WASL: variants seen among roughly 807,000 people sequenced by gnomAD.
WASL encodes WASP like actin nucleation promoting factor.
In WASL, 20 loss-of-function variants were observed where a neutral mutation model predicts 55.5. The ratio of observed to expected loss-of-function variants is 0.36; its 90% CI spans 0.25 to 0.52. The LOEUF (loss-of-function observed/expected upper bound fraction) is 0.52, where lower values mean the gene tolerates loss of function less well. Ranked by LOEUF, WASL falls within the 20% of genes least tolerant of loss-of-function variation. The probability of loss-of-function intolerance (pLI) is 0.92; values close to 1 mark genes in which losing one functional copy is unlikely to be tolerated. For synonymous variants in WASL, 249 were observed against 217.6 expected (o/e 1.14, Z -1.27); for missense variants, 504 against 622.5 (o/e 0.81, Z 2.03).
chr7:123,704,114 C>A (rs1758123602), intron 5 of WASL, among the ~76,000 whole-genome samples: 1 of 152,094 alleles, frequency 6.6e-6, no homozygotes, highest in Admixed American at 6.5e-5. Flanking sequence ...AATTAAAGAG[C>A]ATTATACAGA....
intron 4 of WASL, among the ~76,000 whole-genome samples, chr7:123,705,738 C>G (rs1307348694): frequency 6.6e-6 from 1 of 152,050 alleles, no homozygotes; most frequent in African/African-American, 2.4e-5. Flanking sequence ...GTTTCACACA[C>G]TAAACTAAGT....
At chr7:123,698,852 T>G (rs531905582) in intron 5 of WASL, among the ~76,000 whole-genome samples, 50 of 152,310 alleles carry the variant, frequency 3.3e-4, no homozygotes, top group African/African-American at 1.0e-3. Context: ...AAGGACTTAC[T>G]GAGAATATCC....
In WASL at chr7:123,682,804, T is replaced by C. The variant is rs1803218872; in HGVS notation, c.*1715A>G. 1.3e-5 allele frequency: 2 copies of C among 152,036 alleles called. No individual in the cohort carries two copies. The highest frequency in any genetic ancestry group is 6.6e-5 in the Admixed American group (1 of 15,244). The allele number at this position is 152,036 out of a possible 1,614,324, so 9.4% of individuals were successfully genotyped here. A position where few individuals can be genotyped will look rare whatever the true frequency, so the allele number is the denominator to read the frequency against. The stretch of plus-strand genomic sequence containing the variant: ...AAGCCACAATAAAAATGATAGTAAG[T>C]AGAAAAAGGTTTCTAGCAGCAGAGG... On this transcript the variant is annotated 3_prime_UTR_variant, in exon 11 of 11. Coordinates refer to ENST00000223023, the MANE Select transcript of WASL (RefSeq NM_003941.4).
In WASL at chr7:123,748,782, T is replaced by G; in HGVS notation, c.-48A>C. On this transcript the variant is annotated 5_prime_UTR_variant, in exon 1 of 11. Transcript: ENST00000223023. ...GTCCAGGGCCGTCTCCTCCGGCGAG[T>G]GGGCGAGAGCTCGTTCCCCCTCTCG... is the stretch of plus-strand genomic sequence containing the variant. The G allele has an allele frequency of 7.0e-7, 1 of 1,431,564 alleles. No individual in the cohort carries two copies. Among genetic ancestry groups the G allele is most frequent in the Non-Finnish European group, 9.3e-7 (1 of 1,078,970 alleles). 88.7% of individuals were successfully genotyped at this position (1,431,564 alleles called of 1,614,324 possible). A position where few individuals can be genotyped will look rare whatever the true frequency, so the allele number is the denominator to read the frequency against.
intron 9 of WASL, 125 bp from the exon 10 acceptor site, chr7:123,689,275 A>G (rs779175380): frequency 7.3e-6 from 5 of 680,672 alleles, no homozygotes; most frequent in Non-Finnish European, 1.3e-5. Context: ...CAAACTGGCA[A>G]GCGCAGGACA....
intron 1 of WASL, chr7:123,720,380 A>G (rs1021673717): frequency 6.8e-6 from 3 of 440,656 alleles, no homozygotes; most frequent in African/African-American, 4.1e-5. Context: ...TCAAGTAATG[A>G]TAAGATGAAC....
intron 1 of WASL, among the ~76,000 whole-genome samples, chr7:123,718,894 T>C (rs1206103959): frequency 2.6e-5 from 4 of 152,242 alleles, no homozygotes; most frequent in African/African-American, 9.6e-5. Flanking sequence ...TATTCTTTCA[T>C]TCAAGTATCT....
At chr7:123,742,293 T>C (rs1231575714) in intron 1 of WASL, among the ~76,000 whole-genome samples, 4 of 152,242 alleles carry the variant, frequency 2.6e-5, no homozygotes, top group Non-Finnish European at 5.9e-5. Context: ...CTAGTGTCTC[T>C]TGGTATGCTG....
At chr7:123,738,461 G>T (rs1047524421) in intron 1 of WASL, among the ~76,000 whole-genome samples, 1 of 152,046 alleles carries the variant, frequency 6.6e-6, no homozygotes, top group African/African-American at 2.4e-5. Context: ...TCCCACAGCC[G>T]CAATAATCAA....
chr7:123,730,603 A>C (rs927677230), intron 1 of WASL, among the ~76,000 whole-genome samples: 6 of 152,192 alleles, frequency 3.9e-5, no homozygotes, highest in African/African-American at 1.4e-4. Context: ...AATCACATAA[A>C]ATGCTCAATT....
chr7:123,713,064 A>C (rs1209298997), intron 1 of WASL, among the ~76,000 whole-genome samples: 2 of 152,218 alleles, frequency 1.3e-5, no homozygotes, highest in Non-Finnish European at 2.9e-5. Context: ...AAATGATTTA[A>C]TACTGAATAA....
intron 2 of WASL, among the ~76,000 whole-genome samples, chr7:123,707,884 C>T (rs1803697630): frequency 6.6e-6 from 1 of 152,100 alleles, no homozygotes; most frequent in Admixed American, 6.6e-5. Flanking sequence ...TGGAAGCAGA[C>T]ATTAAGATGC....
At chr7:123,723,108 T>C (rs1803979857) in intron 1 of WASL, among the ~76,000 whole-genome samples, 1 of 152,196 alleles carries the variant, frequency 6.6e-6, no homozygotes, top group South Asian at 2.1e-4. Context: ...AAGTTCCTTA[T>C]TATAGGGTTA....
At chr7:123,725,988 T>C (rs1048852729) in intron 1 of WASL, among the ~76,000 whole-genome samples, 1 of 152,228 alleles carries the variant, frequency 6.6e-6, no homozygotes, top group Non-Finnish European at 1.5e-5. Flanking sequence ...AGTTCACTGT[T>C]AAATATTACC....
chr7:123,707,878 A>G (rs578086890), intron 2 of WASL, among the ~76,000 whole-genome samples: 4 of 152,272 alleles, frequency 2.6e-5, no homozygotes, highest in African/African-American at 2.4e-5. Context: ...CTGTCTTGGA[A>G]GCAGACATTA....
intron 1 of WASL, among the ~76,000 whole-genome samples, chr7:123,742,220 C>T (rs1167101881): frequency 1.3e-5 from 2 of 152,172 alleles, no homozygotes; most frequent in Non-Finnish European, 2.9e-5. Context: ...CAGCCCTTTG[C>T]ATCTTAAAAG....
rs188600533 is a variant in WASL at position 123,709,733 on chromosome 7, G to C, written c.118-510C>G. On this transcript the variant is annotated intron_variant, in intron 1 of 10. Coordinates refer to ENST00000223023, the MANE Select transcript of WASL (RefSeq NM_003941.4). ...TAGTAGCATTAGTAATGGCTGACTT[G>C]TATAAAGCAGTTAAGCACTTATCTA... 1.6e-4 allele frequency among the ~76,000 whole-genome samples: 25 copies of C among 152,274 alleles called. No individual in the cohort carries two copies. In the East Asian group the frequency reaches 4.8e-3, roughly 29 times the overall value.
rs114609673 is a variant in WASL at position 123,719,225 on chromosome 7, T to C, written c.118-10002A>G. 2.8e-3 allele frequency among the ~76,000 whole-genome samples: 429 copies of C among 152,354 alleles called. 5 individuals carry two copies. The highest frequency in any genetic ancestry group is 0.01 in the African/African-American group (419 of 41,590). Reference sequence around the variant, plus strand: ...CAAAATATTGGGAAAATAATGTTTCTGATCATAAAAAGAAATGTGCAGCCT... The same window carrying C: ...CAAAATATTGGGAAAATAATGTTTCCGATCATAAAAAGAAATGTGCAGCCT... On this transcript the variant is annotated intron_variant, in intron 1 of 10. Transcript: ENST00000223023.
intron 1 of WASL, among the ~76,000 whole-genome samples, chr7:123,738,446 C>G (rs1200358935): frequency 1.3e-5 from 2 of 152,164 alleles, no homozygotes; most frequent in Non-Finnish European, 2.9e-5. Flanking sequence ...CAGATCTAAT[C>G]CCACTCCCAC....
Sources: allele counts gnomAD v4.1 joint callset (sites outside exome capture counted in the v4.1 genomes callset), GRCh38; gene constraint gnomAD v4.1.1; transcripts MANE v1.5; gene names NCBI Gene and HGNC (gene_info 2026-07-23, HGNC 2026-07-21).